Variants in LRP1B observed in about 807,000 individuals in gnomAD.
The protein encoded by LRP1B is low-density lipoprotein receptor-related protein 1B.
Under a neutral mutation model 556.6 loss-of-function variants are expected in LRP1B, and 217 were observed. The observed-to-expected ratio is 0.39, with a 90% CI of 0.35 to 0.44. The LOEUF (loss-of-function observed/expected upper bound fraction) is 0.44. Among genes scored for constraint, LRP1B ranks in the 20% least tolerant of loss-of-function variants. The pLI is 1.00. For missense variants in LRP1B, 5,053 were observed against 5,620.8 expected, an observed-to-expected ratio of 0.90 and a Z score of 3.23; for synonymous variants, 2,047 against 1,865.8, an observed-to-expected ratio of 1.10 and a Z score of -2.50.
chr2:141,178,805 G>A (rs974857001), intron 7 of LRP1B, among the ~76,000 whole-genome samples: 1 of 151,940 alleles, frequency 6.6e-6, no homozygotes, highest in Admixed American at 6.6e-5. Flanking sequence ...AAGGCCCTAT[G>A]AGATTCTACA....
At chr2:141,768,857 A>C (rs1233188901) in intron 2 of LRP1B, among the ~76,000 whole-genome samples, 2 of 145,572 alleles carry the variant, frequency 1.4e-5, no homozygotes, top group Non-Finnish European at 3.0e-5. Flanking sequence ...GTATCACTGT[A>C]TTAAGAGATA....
chr2:140,239,750 T>C (rs1213225443), intron 87 of LRP1B, among the ~76,000 whole-genome samples: 6 of 150,992 alleles, frequency 4.0e-5, no homozygotes, highest in African/African-American at 1.5e-4. Flanking sequence ...CTTTCATTTA[T>C]GTGTTGCATT....
chr2:141,996,716 C>CT (rs984015599), intron 1 of LRP1B, among the ~76,000 whole-genome samples: 1 of 146,850 alleles, frequency 6.8e-6, no homozygotes, highest in South Asian at 2.3e-4. Context: ...TTTTCTTTCC[C>CT]CCCCCCTACA....
intron 2 of LRP1B, among the ~76,000 whole-genome samples, chr2:141,678,906 G>C (rs1356782859): frequency 6.6e-6 from 1 of 152,088 alleles, no homozygotes; most frequent in African/African-American, 2.4e-5. Context: ...CCTTGTATGT[G>C]GATGGACCTA....
At chr2:140,753,520 G>A (rs140912739) in intron 35 of LRP1B, among the ~76,000 whole-genome samples, 5 of 152,284 alleles carry the variant, frequency 3.3e-5, no homozygotes, top group African/African-American at 1.2e-4. Context: ...GACATGAGAA[G>A]CCTAGTAGAC....
intron 21 of LRP1B, among the ~76,000 whole-genome samples, chr2:140,910,207 T>C (rs753127971): frequency 5.9e-5 from 9 of 151,586 alleles, no homozygotes; most frequent in Non-Finnish European, 1.3e-4. Context: ...TAAATATCAA[T>C]AAAGATATTA....
At chr2:141,617,528 T>C (rs1220317009) in intron 2 of LRP1B, among the ~76,000 whole-genome samples, 1 of 152,172 alleles carries the variant, frequency 6.6e-6, no homozygotes, top group Non-Finnish European at 1.5e-5. Flanking sequence ...TTTCTCTGGA[T>C]TTCTCATATC....
chr2:141,769,808 G>A (rs1055756692), intron 2 of LRP1B, among the ~76,000 whole-genome samples: 3 of 77,172 alleles, frequency 3.9e-5, no homozygotes, highest in African/African-American at 1.8e-4. Context: ...CTTACTATAC[G>A]CTGGGGTTAC....
chr2:140,333,449 T>A (rs1680916069), intron 79 of LRP1B, among the ~76,000 whole-genome samples: 1 of 152,084 alleles, frequency 6.6e-6, no homozygotes, highest in Non-Finnish European at 1.5e-5. Context: ...AGACATTCAA[T>A]GGGCATATTT....
chr2:141,864,953 T>G (rs1214898542), intron 1 of LRP1B, among the ~76,000 whole-genome samples: 1 of 152,132 alleles, frequency 6.6e-6, no homozygotes, highest in Non-Finnish European at 1.5e-5. Context: ...ATAAAGCTCA[T>G]GTCAAAACAA....
chr2:141,324,008 C>CACAA (rs528456463), intron 3 of LRP1B, among the ~76,000 whole-genome samples: 1 of 139,954 alleles, frequency 7.1e-6, no homozygotes, highest in Non-Finnish European at 1.5e-5. Context: ...CACACACACA[C>CACAA]ACACACCTGA....
At chr2:140,430,481 G>A (rs897961607) in intron 66 of LRP1B, among the ~76,000 whole-genome samples, 1 of 152,162 alleles carries the variant, frequency 6.6e-6, no homozygotes, top group Admixed American at 6.5e-5. Flanking sequence ...ATCAAAAGGT[G>A]TCAGATCCCA....
intron 2 of LRP1B, among the ~76,000 whole-genome samples, chr2:141,659,635 C>T (rs1044837525): frequency 2.0e-5 from 3 of 151,932 alleles, no homozygotes; most frequent in Non-Finnish European, 2.9e-5. Context: ...AGTGGACGAC[C>T]TGGGAGAATG....
At chr2:142,037,853 T>C (rs1703938913) in intron 1 of LRP1B, among the ~76,000 whole-genome samples, 1 of 151,576 alleles carries the variant, frequency 6.6e-6, no homozygotes, top group African/African-American at 2.4e-5. Context: ...TATAAGATAA[T>C]AGCTGCAGGC....
intron 7 of LRP1B, among the ~76,000 whole-genome samples, chr2:141,187,877 A>G (rs763672565): frequency 2.8e-4 from 43 of 152,022 alleles, no homozygotes; most frequent in Admixed American, 1.3e-4. Flanking sequence ...CTGATGAGGA[A>G]TTCACTAACA....
intron 3 of LRP1B, among the ~76,000 whole-genome samples, chr2:141,441,123 C>T (rs776784597): frequency 6.6e-6 from 1 of 151,842 alleles, no homozygotes; most frequent in Non-Finnish European, 1.5e-5. Flanking sequence ...GTTGCCTAGG[C>T]TATAGTGCAA....
chr2:141,938,245 A>G (rs1459256425), intron 1 of LRP1B, among the ~76,000 whole-genome samples: 1 of 152,192 alleles, frequency 6.6e-6, no homozygotes, highest in Non-Finnish European at 1.5e-5. Context: ...AGGAACTCAC[A>G]CACTCAATAA....
chr2:141,955,132 A>G (rs557610163), intron 1 of LRP1B, among the ~76,000 whole-genome samples: 8 of 152,298 alleles, frequency 5.3e-5, no homozygotes, highest in African/African-American at 1.7e-4. Flanking sequence ...CATATAAAAT[A>G]CAGGATGCCC....
At chr2:140,737,181 A>G (rs1416649895) in intron 35 of LRP1B, among the ~76,000 whole-genome samples, 1 of 152,174 alleles carries the variant, frequency 6.6e-6, no homozygotes, top group Non-Finnish European at 1.5e-5. Flanking sequence ...ATGAAGAAGT[A>G]GCCAAGGCCC....
Sources: gnomAD v4.1 joint callset for allele counts (sites outside exome capture counted in the v4.1 genomes callset) on GRCh38, gnomAD v4.1.1 for gene constraint, MANE v1.5 for transcripts, NCBI Gene and HGNC (gene_info 2026-07-23, HGNC 2026-07-21) for gene names.